The following MAPK9 variants were observed in gnomAD, a reference collection of about 807,000 sequenced individuals.
MAPK9 encodes Jun kinase.
Under a neutral mutation model 57.1 loss-of-function variants are expected in MAPK9, and 30 were observed. The observed-to-expected ratio is 0.53, with a 90% confidence interval of 0.39 to 0.71. The LOEUF (loss-of-function observed/expected upper bound fraction) is 0.71. MAPK9 is among the 30% of genes least tolerant of loss of function. The probability of loss-of-function intolerance (pLI) is 0.00; values close to 1 mark genes in which losing one functional copy is unlikely to be tolerated. For missense variants in MAPK9, 362 were observed against 521.0 expected (o/e 0.69, Z 2.97); for synonymous variants, 155 against 177.0 (o/e 0.88, Z 0.99).
chr5:180,268,684 G>A (rs556494841), intron 3 of MAPK9, among the ~76,000 whole-genome samples: 31 of 152,188 alleles, frequency 2.0e-4, no homozygotes, highest in South Asian at 1.7e-3. Context: ...AAAATTAGCC[G>A]GGCGTGGTGG....
At chr5:180,248,838 GGA>G in intron 6 of MAPK9, 133 bp downstream of exon 6, 1 of 780,220 alleles carries the variant, frequency 1.3e-6, no homozygotes. Flanking sequence ...TCTTATCTCT[GGA>G]TCATGCTATA....
intron 5 of MAPK9, among the ~76,000 whole-genome samples, chr5:180,251,147 A>C (rs1758643919): frequency 6.6e-6 from 1 of 152,140 alleles, no homozygotes; most frequent in Non-Finnish European, 1.5e-5. Flanking sequence ...CTGGCGGGAG[A>C]AGCAGAAACA....
At position 180,247,094 on chromosome 5, in the gene MAPK9, CTAAA is replaced by C; in HGVS notation, c.688+341_688+344del. 1 of 279,202 alleles carries C rather than the reference CTAAA, an allele frequency of 3.6e-6. No individual in the cohort carries two copies. Among genetic ancestry groups the C allele is most frequent in the Non-Finnish European group, 6.7e-6 (1 of 149,992 alleles). The allele number at this position is 279,202 out of a possible 1,614,324, so 17.3% of individuals were successfully genotyped here. A position where few individuals can be genotyped will look rare whatever the true frequency, so the allele number is the denominator to read the frequency against. On this transcript the variant is annotated intron_variant, in intron 7 of 11. Transcript: ENST00000452135. This position sits in a 1 kb window ranked among gnomAD's most constrained non-coding sequence, Gnocchi z 4.5. ...TTCCTAGTTAAATTAACGGAATAAA[CTAAA>C]TAATACAGTATTTTCATTTAAATAT...
intron 9 of MAPK9, 90 bp downstream of exon 9, chr5:180,240,941 C>T: frequency 7.2e-7 from 1 of 1,382,230 alleles, no homozygotes; most frequent in South Asian, 1.8e-5. Flanking sequence ...AACTTGCTAC[C>T]CATATGTAGC....
chr5:180,242,001 T>C (rs991088543), intron 8 of MAPK9, among the ~76,000 whole-genome samples: 1 of 152,198 alleles, frequency 6.6e-6, no homozygotes, highest in Admixed American at 6.5e-5. Flanking sequence ...TTTTTTTTAA[T>C]CTACAGATTG....
intron 2 of MAPK9, among the ~76,000 whole-genome samples, chr5:180,269,863 CTG>C (rs1761091343): frequency 6.6e-6 from 1 of 152,106 alleles, no homozygotes; most frequent in Non-Finnish European, 1.5e-5. Flanking sequence ...TTTTGAATCA[CTG>C]TGTTTTTTTC....
In MAPK9 at chr5:180,233,259, A is replaced by C. The variant is rs1756969730; in HGVS notation, c.*3125T>G. On this transcript the variant is annotated 3_prime_UTR_variant, in exon 12 of 12. Coordinates refer to ENST00000452135, the MANE Select transcript of MAPK9 (RefSeq NM_002752.5). ...GCCACAAGCACCATGAATGACGTTAAGTAACATGACTAAGGCTGACTGGTG... is the reference window on the plus strand; with the variant it reads ...GCCACAAGCACCATGAATGACGTTACGTAACATGACTAAGGCTGACTGGTG... The C allele has an allele frequency of 6.6e-6, 1 of 152,264 alleles. No homozygotes were observed. Among genetic ancestry groups the C allele is most frequent in the South Asian group, 2.1e-4 (1 of 4,834 alleles). The allele number at this position is 152,264 out of a possible 1,614,324, so 9.4% of individuals were successfully genotyped here. A position where few individuals can be genotyped will look rare whatever the true frequency, so the allele number is the denominator to read the frequency against.
Position 180,247,376 on chromosome 5 carries a change from G to T in MAPK9, c.688+63C>A, listed in dbSNP as rs577149109. The T allele has an allele frequency of 6.3e-7, 1 of 1,595,372 alleles. No individual in the cohort carries two copies. Among genetic ancestry groups the T allele is most frequent in the South Asian group, 1.1e-5 (1 of 90,676 alleles). On this transcript the variant is annotated intron_variant, in intron 7 of 11. Coordinates refer to ENST00000452135, the MANE Select transcript of MAPK9 (RefSeq NM_002752.5). This position sits in a 1 kb window ranked among gnomAD's most constrained non-coding sequence, Gnocchi z 4.5. ...GTCCTCGTGAGCGCTCGTGTAAGCA[G>T]GTGGTCATGCTGCCTGAGGCATTAA...
intron 5 of MAPK9, among the ~76,000 whole-genome samples, chr5:180,256,868 G>T (rs574207173): frequency 6.6e-6 from 1 of 152,200 alleles, no homozygotes; most frequent in African/African-American, 2.4e-5. Context: ...AATGAATAAG[G>T]CCTAATGTAG....
intron 3 of MAPK9, among the ~76,000 whole-genome samples, chr5:180,267,903 C>G (rs192518870): frequency 6.6e-6 from 1 of 152,054 alleles, no homozygotes; most frequent in Non-Finnish European, 1.5e-5. Flanking sequence ...CGCTCTGTCG[C>G]CCAGGCTGGA....
chr5:180,242,280 T>C (rs1478565483), intron 8 of MAPK9, among the ~76,000 whole-genome samples: 1 of 152,226 alleles, frequency 6.6e-6, no homozygotes, highest in Non-Finnish European at 1.5e-5. Flanking sequence ...CTGCATTAAG[T>C]GTTCTTCTTA....
chr5:180,250,821 G>C (rs34346352), intron 5 of MAPK9, among the ~76,000 whole-genome samples: 5 of 152,214 alleles, frequency 3.3e-5, no homozygotes, highest in African/African-American at 1.2e-4. Context: ...AGACACCCCC[G>C]GTTCCCAGAA....
Position 180,247,823 on chromosome 5 carries a change from T to G in MAPK9, c.617-313A>C. On this transcript the variant is annotated intron_variant, in intron 6 of 11. Transcript: ENST00000452135. This position sits in a 1 kb window ranked among gnomAD's most constrained non-coding sequence, Gnocchi z 4.5. Reference sequence around the variant, plus strand: ...GGCCACACGCCCACCCCAGCCTCCATGGCCAAGTACCGGGTCCCCTGTGAA... The same window carrying G: ...GGCCACACGCCCACCCCAGCCTCCAGGGCCAAGTACCGGGTCCCCTGTGAA... 1 of 1,611,504 alleles carries G rather than the reference T, an allele frequency of 6.2e-7. No homozygotes were observed. Among genetic ancestry groups the G allele is most frequent in the East Asian group, 2.2e-5 (1 of 44,866 alleles).
At chr5:180,254,318 C>T (rs977758585) in intron 5 of MAPK9, among the ~76,000 whole-genome samples, 1 of 152,058 alleles carries the variant, frequency 6.6e-6, no homozygotes, top group Non-Finnish European at 1.5e-5. Context: ...GAAAGCCTTG[C>T]GTGTGACAGG....
At position 180,247,732 on chromosome 5, in the gene MAPK9, A is replaced by C; in HGVS notation, c.617-222T>G. On this transcript the variant is annotated intron_variant, in intron 6 of 11. Coordinates refer to ENST00000452135, the MANE Select transcript of MAPK9 (RefSeq NM_002752.5). The surrounding 1 kb of genome is among the most constrained non-coding windows in gnomAD (Gnocchi z 4.5). ...CAAAGAGTCCAATACTTTATAGCTT[A>C]AAACAAACAAACAAACAAACAAAAA... is the stretch of plus-strand genomic sequence containing the variant. 2.6e-6 allele frequency: 3 copies of C among 1,147,242 alleles called. No homozygotes were observed. Among genetic ancestry groups the C allele is most frequent in the South Asian group, 2.6e-5 (2 of 76,924 alleles). 71.1% of individuals were successfully genotyped at this position (1,147,242 alleles called of 1,614,324 possible).
Position 180,247,697 on chromosome 5 carries a change from G to A in MAPK9, c.617-187C>T, listed in dbSNP as rs757855928. 1 of 966,118 alleles carries A rather than the reference G, an allele frequency of 1.0e-6. No individual in the cohort carries two copies. Among genetic ancestry groups the A allele is most frequent in the Admixed American group, 2.0e-5 (1 of 50,356 alleles). 59.8% of individuals were successfully genotyped at this position (966,118 alleles called of 1,614,324 possible). ...AGCCTTCGGTTTGTAGCAATCTGGG[G>A]TTTTAGTGCCAAAGAGTCCAATACT... On this transcript the variant is annotated intron_variant, in intron 6 of 11. Coordinates refer to ENST00000452135, the MANE Select transcript of MAPK9 (RefSeq NM_002752.5). The surrounding 1 kb of genome is among the most constrained non-coding windows in gnomAD (Gnocchi z 4.5).
At chr5:180,267,821 AAAC>A (rs1332244014) in intron 3 of MAPK9, among the ~76,000 whole-genome samples, 1 of 151,476 alleles carries the variant, frequency 6.6e-6, no homozygotes, top group Non-Finnish European at 1.5e-5. Flanking sequence ...CAAAAAAACA[AAAC>A]AAAAAAAACC....
At chr5:180,238,135 T>C in intron 11 of MAPK9, 197 bp downstream of exon 11, 1 of 418,146 alleles carries the variant, frequency 2.4e-6, no homozygotes, top group Non-Finnish European at 4.4e-6. Context: ...CAGGGCATGG[T>C]GGCGCGTGCC....
rs540765968 is a variant in MAPK9 at position 180,273,503 on chromosome 5, A to G, written c.123-4094T>C. On this transcript the variant is annotated intron_variant, in intron 2 of 11. Transcript: ENST00000452135. ...TGGCCTCCCAAAGTGCTGGAATTATAGGCATGAGCCACCACATCCAGCAGA... is the reference window on the plus strand; with the variant it reads ...TGGCCTCCCAAAGTGCTGGAATTATGGGCATGAGCCACCACATCCAGCAGA... Among the ~76,000 whole-genome samples, 17 of 152,274 alleles carry G rather than the reference A, an allele frequency of 1.1e-4. No homozygotes were observed. In the South Asian group the frequency reaches 3.5e-3, roughly 32 times the overall value.
Sources: allele counts gnomAD v4.1 joint callset (sites outside exome capture counted in the v4.1 genomes callset), GRCh38; gene constraint gnomAD v4.1.1; non-coding constraint Gnocchi (gnomAD v3.1); transcripts MANE v1.5; gene names NCBI Gene and HGNC (gene_info 2026-07-23, HGNC 2026-07-21).